Variants in VSNL1 observed in about 807,000 individuals in gnomAD.
The protein encoded by VSNL1 is visinin like 1.
VSNL1 carries 6 observed loss-of-function variants against 20.4 expected under a neutral mutation model. That is an observed-to-expected ratio of 0.29 (90% CI 0.16 to 0.58). The LOEUF (loss-of-function observed/expected upper bound fraction) is 0.58. Ranked by LOEUF, VSNL1 falls within the 20% of genes least tolerant of loss-of-function variation. VSNL1 has a pLI of 0.90. For missense variants in VSNL1, 100 were observed against 234.5 expected (o/e 0.43, Z 3.75); for synonymous variants, 93 against 86.4 (o/e 1.08, Z -0.42).
chr2:17,575,127 C>A (rs75003602), intron 1 of VSNL1, among the ~76,000 whole-genome samples: 5,857 of 152,204 alleles, frequency 0.038, 186 homozygotes, highest in African/African-American at 0.084. Flanking sequence ...CATGCCCAGC[C>A]TATTAAACTT....
intron 1 of VSNL1, among the ~76,000 whole-genome samples, chr2:17,585,382 TA>T (rs35397738): frequency 0.024 from 3,385 of 141,774 alleles, 36 homozygotes; most frequent in African/African-American, 0.038. Flanking sequence ...GCCTTCATTA[TA>T]AAAAAAAAAA....
At chr2:17,552,992 G>T (rs1663580485) in intron 1 of VSNL1, among the ~76,000 whole-genome samples, 1 of 152,104 alleles carries the variant, frequency 6.6e-6, no homozygotes, top group Non-Finnish European at 1.5e-5. Flanking sequence ...CTTTGAAAGT[G>T]CTTAGAACAG....
chr2:17,638,855 A>G (rs1422121637), intron 2 of VSNL1, among the ~76,000 whole-genome samples: 1 of 152,222 alleles, frequency 6.6e-6, no homozygotes, highest in Non-Finnish European at 1.5e-5. Flanking sequence ...AGAGAGCAGC[A>G]TAGGAGGGCC....
At chr2:17,558,434 G>T (rs558203140) in intron 1 of VSNL1, among the ~76,000 whole-genome samples, 1 of 152,282 alleles carries the variant, frequency 6.6e-6, no homozygotes, top group African/African-American at 2.4e-5. Context: ...AATCTGGTGG[G>T]TTTTAATGAT....
chr2:17,568,606 T>C (rs1466684522), intron 1 of VSNL1, among the ~76,000 whole-genome samples: 6 of 152,228 alleles, frequency 3.9e-5, no homozygotes, highest in African/African-American at 1.4e-4. Flanking sequence ...CTAGTATGTT[T>C]GTTGCACCTT....
intron 2 of VSNL1, among the ~76,000 whole-genome samples, chr2:17,601,317 A>G (rs1337694133): frequency 1.3e-5 from 2 of 152,164 alleles, no homozygotes; most frequent in Non-Finnish European, 2.9e-5. Context: ...GCTCAAGGAC[A>G]CTCCATTTCT....
chr2:17,570,726 C>T (rs1276602903), intron 1 of VSNL1, among the ~76,000 whole-genome samples: 1 of 152,080 alleles, frequency 6.6e-6, no homozygotes, highest in African/African-American at 2.4e-5. Context: ...GAAACTGAGC[C>T]TTAGAAAGGC....
chr2:17,585,196 A>G (rs918686102), intron 1 of VSNL1, among the ~76,000 whole-genome samples: 3 of 152,042 alleles, frequency 2.0e-5, no homozygotes, highest in Admixed American at 1.3e-4. Context: ...GGATGCTGTA[A>G]GAAGGGATTT....
At chr2:17,591,346 T>C (rs943044203) in intron 1 of VSNL1, among the ~76,000 whole-genome samples, 1 of 152,208 alleles carries the variant, frequency 6.6e-6, no homozygotes, top group Non-Finnish European at 1.5e-5. Flanking sequence ...ATAGGTAACA[T>C]TATCTTATGC....
At chr2:17,631,599 T>C (rs1276993502) in intron 2 of VSNL1, among the ~76,000 whole-genome samples, 2 of 152,208 alleles carry the variant, frequency 1.3e-5, no homozygotes, top group African/African-American at 4.8e-5. Flanking sequence ...ATTTTATAAA[T>C]AAAACACTTT....
At chr2:17,578,852 CAG>C (rs1664280690) in intron 1 of VSNL1, among the ~76,000 whole-genome samples, 1 of 152,256 alleles carries the variant, frequency 6.6e-6, no homozygotes, top group South Asian at 2.1e-4. Context: ...ACATCAAACA[CAG>C]GGACCTCACA....
At chr2:17,601,861 G>A (rs936082349) in intron 2 of VSNL1, among the ~76,000 whole-genome samples, 3 of 150,852 alleles carry the variant, frequency 2.0e-5, no homozygotes, top group East Asian at 2.0e-4. Flanking sequence ...GCTTGAACCC[G>A]GGAGGCAGAG....
At chr2:17,599,970 C>T (rs1664789645) in intron 2 of VSNL1, among the ~76,000 whole-genome samples, 1 of 152,180 alleles carries the variant, frequency 6.6e-6, no homozygotes, top group African/African-American at 2.4e-5. Context: ...AGGATCAGTT[C>T]AAAAGCTTCT....
At chr2:17,562,953 C>T (rs1663853558) in intron 1 of VSNL1, among the ~76,000 whole-genome samples, 1 of 152,160 alleles carries the variant, frequency 6.6e-6, no homozygotes, top group East Asian at 1.9e-4. Flanking sequence ...TATCACCTGG[C>T]CTGTACTGTG....
chr2:17,640,062 A>G (rs1403856930), intron 2 of VSNL1, among the ~76,000 whole-genome samples: 1 of 152,080 alleles, frequency 6.6e-6, no homozygotes, highest in Admixed American at 6.6e-5. Flanking sequence ...CCAGCCTGGT[A>G]AACACGGTGA....
rs1260171799 is a variant in VSNL1 at position 17,655,255 on chromosome 2, C to T, written c.437C>T (p.Thr146Met). 33 of 1,613,972 alleles carry T rather than the reference C, an allele frequency of 2.0e-5. No homozygotes were observed. The highest frequency in any genetic ancestry group is 6.7e-5 in the East Asian group (3 of 44,902). ...ATGAAAATGAATGAGGATGGCCTGA[C>T]GCCTGAGCAGCGAGTAGACAAGATT... is the stretch of plus-strand genomic sequence containing the variant. Reference protein sequence around the residue: ...IMMKMNEDGLTPEQRVDKIFS... With the variant: ...IMMKMNEDGLMPEQRVDKIFS... Residue 146 changes from threonine to methionine, a missense_variant, in exon 4 of 4, where the codon ACG (threonine) becomes ATG (methionine). Thr to Met is a moderately conservative substitution (Grantham distance 81). Transcript: ENST00000295156. This position sits in a 1 kb window ranked among gnomAD's most constrained non-coding sequence, Gnocchi z 5.2.
chr2:17,567,169 T>C (rs994932426), intron 1 of VSNL1, among the ~76,000 whole-genome samples: 1 of 152,144 alleles, frequency 6.6e-6, no homozygotes, highest in African/African-American at 2.4e-5. Context: ...TTTATACTAA[T>C]GATAACAGAA....
intron 2 of VSNL1, among the ~76,000 whole-genome samples, chr2:17,615,474 T>C (rs1284934987): frequency 1.3e-5 from 2 of 152,186 alleles, no homozygotes. Flanking sequence ...TTCTAAAGAA[T>C]AACAAAAGAA....
chr2:17,552,054 G>T (rs984388604), intron 1 of VSNL1, among the ~76,000 whole-genome samples: 1 of 151,130 alleles, frequency 6.6e-6, no homozygotes, highest in African/African-American at 2.4e-5. Flanking sequence ...AAAAAAATTA[G>T]CAGGGCGTGG....
Sources: gnomAD v4.1 joint callset for allele counts (sites outside exome capture counted in the v4.1 genomes callset) on GRCh38, gnomAD v4.1.1 for gene constraint, Gnocchi (gnomAD v3.1) non-coding constraint, MANE v1.5 for transcripts, NCBI Gene and HGNC (gene_info 2026-07-23, HGNC 2026-07-21) for gene names.